SIK2: variants seen among roughly 807,000 people sequenced by gnomAD.
SIK2 encodes the protein salt inducible kinase 2.
SIK2 carries 29 observed loss-of-function variants against 103.2 expected under a neutral mutation model. That is an observed-to-expected ratio of 0.28 (90% CI 0.21 to 0.38). The LOEUF is 0.38. SIK2 is among the 10% of genes least tolerant of loss of function. The probability of loss-of-function intolerance (pLI) is 1.00; values close to 1 mark genes in which losing one functional copy is unlikely to be tolerated. For missense variants in SIK2, 879 were observed against 1,171.0 expected, an observed-to-expected ratio of 0.75 and a Z score of 3.64; for synonymous variants, 412 against 446.1, an observed-to-expected ratio of 0.92 and a Z score of 0.96.
intron 9 of SIK2, among the ~76,000 whole-genome samples, chr11:111,719,025 G>A (rs2135966513): frequency 6.6e-6 from 1 of 152,254 alleles, no homozygotes; most frequent in African/African-American, 2.4e-5. Flanking sequence ...TCACCCCTGT[G>A]GGATAGGAAC....
intron 4 of SIK2, among the ~76,000 whole-genome samples, chr11:111,693,369 G>A (rs1202171481): frequency 6.6e-6 from 1 of 151,948 alleles, no homozygotes; most frequent in Non-Finnish European, 1.5e-5. Context: ...AATGAGCCAT[G>A]GATTCACCCA....
At chr11:111,674,632 G>A (rs573282885) in intron 3 of SIK2, among the ~76,000 whole-genome samples, 67 of 152,236 alleles carry the variant, frequency 4.4e-4, no homozygotes, top group African/African-American at 1.3e-3. Flanking sequence ...TACCACAATC[G>A]TAAATTGTGT....
rs900418318 is a variant in SIK2, at chr11:111,730,539, T to G, written c.*6410T>G. ...GGGTGGTTTTGCTGGATGTTTGGTC[T>G]GAAAGAGTTACTTTTGATAAAGTTA... On this transcript the variant is annotated 3_prime_UTR_variant, in exon 15 of 15. Coordinates refer to ENST00000304987, the MANE Select transcript of SIK2 (RefSeq NM_015191.3). 6.6e-6 allele frequency: 1 copy of G among 152,232 alleles called. No homozygotes were observed. The highest frequency in any genetic ancestry group is 1.5e-5 in the Non-Finnish European group (1 of 68,044). The allele number at this position is 152,232 out of a possible 1,614,324, so 9.4% of individuals were successfully genotyped here.
intron 8 of SIK2, among the ~76,000 whole-genome samples, chr11:111,711,204 C>A: frequency 1.3e-5 from 2 of 151,796 alleles, no homozygotes; most frequent in Non-Finnish European, 2.9e-5. Flanking sequence ...CTGCAAGCTC[C>A]GCCTCCCGGG....
intron 3 of SIK2, among the ~76,000 whole-genome samples, chr11:111,643,146 G>C (rs969117338): frequency 6.6e-6 from 1 of 152,080 alleles, no homozygotes; most frequent in Non-Finnish European, 1.5e-5. Context: ...ATTTTCTTGA[G>C]GGCAGGATCT....
chr11:111,715,709 G>A (rs1943619883), intron 9 of SIK2, among the ~76,000 whole-genome samples: 1 of 149,188 alleles, frequency 6.7e-6, no homozygotes, highest in South Asian at 2.2e-4. Context: ...CATAAACCTT[G>A]TAGAATAAAT....
At chr11:111,694,105 G>C (rs559138576) in intron 4 of SIK2, among the ~76,000 whole-genome samples, 26 of 152,190 alleles carry the variant, frequency 1.7e-4, no homozygotes, top group Non-Finnish European at 2.6e-4. Context: ...TAAATTGTTA[G>C]ATAAAGCTCC....
At position 111,720,670 on chromosome 11, in the gene SIK2, A is replaced by G. The variant is rs1591647878; in HGVS notation, c.1688A>G (p.Gln563Arg). ...ISLRPTNPAM[Q>R]ALSSQKREVH... ...CTGAGACCTACCAACCCAGCCATGC[A>G]GGCTCTGAGCTCCCAGAAACGAGAG... The change falls in exon 11 of 15, where the codon CAG becomes CGG. Residue 563 changes from glutamine to arginine, a missense_variant. Around this residue, in one of 7 missense-constraint regions of SIK2, gnomAD observed 222 missense variants for 258.0 expected, o/e 0.86. Coordinates refer to ENST00000304987, the MANE Select transcript of SIK2 (RefSeq NM_015191.3). The G allele has an allele frequency of 1.2e-6, 2 of 1,614,110 alleles. No homozygotes were observed. Among genetic ancestry groups the G allele is most frequent in the Non-Finnish European group, 1.7e-6 (2 of 1,180,010 alleles).
intron 1 of SIK2, among the ~76,000 whole-genome samples, chr11:111,608,911 C>T (rs565605940): frequency 9.4e-4 from 143 of 152,260 alleles, no homozygotes; most frequent in South Asian, 1.7e-3. Flanking sequence ...TTAATTTTCA[C>T]CAGGAAGAAC....
chr11:111,639,733 TC>T (rs1368185381), intron 3 of SIK2, among the ~76,000 whole-genome samples: 1 of 152,180 alleles, frequency 6.6e-6, no homozygotes, highest in African/African-American at 2.4e-5. Flanking sequence ...TGTTATACTC[TC>T]TCCTGCTTCT....
At chr11:111,652,389 G>A (rs1224716785) in intron 3 of SIK2, among the ~76,000 whole-genome samples, 7 of 152,100 alleles carry the variant, frequency 4.6e-5, no homozygotes, top group Admixed American at 1.3e-4. Flanking sequence ...GTAGAGCAGC[G>A]AAATCTAGTC....
At chr11:111,633,339 T>C (rs1942063387) in intron 3 of SIK2, among the ~76,000 whole-genome samples, 1 of 152,234 alleles carries the variant, frequency 6.6e-6, no homozygotes, top group Non-Finnish European at 1.5e-5. Context: ...TCTGCATGTG[T>C]ATCTTTTATC....
intron 4 of SIK2, among the ~76,000 whole-genome samples, chr11:111,699,155 A>C (rs1299242434): frequency 6.6e-6 from 1 of 152,192 alleles, no homozygotes; most frequent in Non-Finnish European, 1.5e-5. Context: ...AGCTGAGGTT[A>C]CATTGTAAAG....
intron 2 of SIK2, among the ~76,000 whole-genome samples, chr11:111,619,505 G>C (rs1297407612): frequency 6.6e-6 from 1 of 152,206 alleles, no homozygotes; most frequent in African/African-American, 2.4e-5. Context: ...CACCACACCT[G>C]GCTAATTTTT....
At chr11:111,644,975 C>T (rs1423318964) in intron 3 of SIK2, among the ~76,000 whole-genome samples, 1 of 152,132 alleles carries the variant, frequency 6.6e-6, no homozygotes, top group Non-Finnish European at 1.5e-5. Context: ...AGCATTGTTT[C>T]AGTCACTGTT....
rs1294935250 is a variant in SIK2 at position 111,727,629 on chromosome 11, C to T, written c.*3500C>T. On this transcript the variant is annotated 3_prime_UTR_variant, in exon 15 of 15. Transcript: ENST00000304987. Reference sequence around the variant, plus strand: ...CTCATCATAAGACTGACGACTCCCCCACCTCCACCCACACACCGAGTGTCA... The same window carrying T: ...CTCATCATAAGACTGACGACTCCCCTACCTCCACCCACACACCGAGTGTCA... 1.3e-5 allele frequency: 2 copies of T among 154,050 alleles called. No homozygotes were observed. Among genetic ancestry groups the T allele is most frequent in the Non-Finnish European group, 2.9e-5 (2 of 69,228 alleles). The allele number at this position is 154,050 out of a possible 1,614,324, so 9.5% of individuals were successfully genotyped here.
intron 3 of SIK2, chr11:111,671,566 C>G: frequency 3.1e-6 from 1 of 326,274 alleles, no homozygotes; most frequent in Middle Eastern, 1.1e-3. Flanking sequence ...CTTGGCCTGG[C>G]TGTGATTGGA....
intron 2 of SIK2, among the ~76,000 whole-genome samples, chr11:111,617,316 A>G (rs1392701184): frequency 1.3e-5 from 2 of 152,214 alleles, no homozygotes. Flanking sequence ...TTTAAGAAGG[A>G]TAATATAGTA....
At chr11:111,692,386 A>C (rs1438475950) in intron 4 of SIK2, among the ~76,000 whole-genome samples, 5 of 117,388 alleles carry the variant, frequency 4.3e-5, no homozygotes, top group South Asian at 3.0e-4. Flanking sequence ...AAAAAAAAAA[A>C]AACACAAAAA....
Sources: gnomAD v4.1 joint callset for allele counts (sites outside exome capture counted in the v4.1 genomes callset) on GRCh38, gnomAD v4.1.1 for gene constraint, gnomAD v4.1.1 regional missense constraint, MANE v1.5 for transcripts, NCBI Gene and HGNC (gene_info 2026-07-23, HGNC 2026-07-21) for gene names.